TCF12: variants seen among roughly 807,000 people sequenced by gnomAD.
TCF12 encodes DNA-binding protein HTF4.
TCF12 carries 45 observed loss-of-function variants against 86.0 expected under a neutral mutation model. That is an observed-to-expected ratio of 0.52 (90% CI 0.41 to 0.67). The LOEUF is 0.67. TCF12 is among the 30% of genes least tolerant of loss of function. The probability of loss-of-function intolerance (pLI) is 0.00; values close to 1 mark genes in which losing one functional copy is unlikely to be tolerated. For synonymous variants in TCF12, 330 were observed against 299.6 expected, an observed-to-expected ratio of 1.10 and a Z score of -1.05; for missense variants, 881 against 859.9, an observed-to-expected ratio of 1.02 and a Z score of -0.31.
At chr15:57,046,198 A>C (rs1393185846) in intron 3 of TCF12, among the ~76,000 whole-genome samples, 1 of 152,236 alleles carries the variant, frequency 6.6e-6, no homozygotes, top group Non-Finnish European at 1.5e-5. Context: ...CACATTTAAC[A>C]GAGGAAGAAG....
At chr15:57,277,597 C>A (rs1205881502) in intron 19 of TCF12, among the ~76,000 whole-genome samples, 1 of 148,590 alleles carries the variant, frequency 6.7e-6, no homozygotes, top group Non-Finnish European at 1.5e-5. Context: ...CCACTGCACT[C>A]CAGCCTGGCG....
rs749245364 is a variant in TCF12, at chr15:57,234,037, A to G, written c.971-6A>G. 6.2e-7 allele frequency: 1 copy of G among 1,612,640 alleles called. No individual in the cohort carries two copies. The highest frequency in any genetic ancestry group is 1.3e-5 in the African/African-American group (1 of 74,884). On this transcript the variant is annotated splice_polypyrimidine_tract_variant and splice_region_variant and intron_variant, in intron 11 of 20. Transcript: ENST00000333725. The stretch of plus-strand genomic sequence containing the variant: ...TTCTTGATTTATTTCTCTATGAAAT[A>G]TCCAGGAACCAGAGGGAATGCTGCT...
chr15:57,090,483 T>G (rs1246584225), intron 4 of TCF12, among the ~76,000 whole-genome samples: 2 of 152,194 alleles, frequency 1.3e-5, no homozygotes, highest in African/African-American at 4.8e-5. Flanking sequence ...TCCAGAAGAT[T>G]AGTGTTAAAA....
chr15:57,087,536 T>A (rs182504837), intron 4 of TCF12, among the ~76,000 whole-genome samples: 7 of 152,010 alleles, frequency 4.6e-5, no homozygotes, highest in African/African-American at 1.7e-4. Context: ...ATTTCTAAGT[T>A]CCTGCATCAG....
chr15:56,933,622 A>T (rs1166962330), intron 3 of TCF12, among the ~76,000 whole-genome samples: 1 of 152,184 alleles, frequency 6.6e-6, no homozygotes, highest in Non-Finnish European at 1.5e-5. Context: ...GGACAATAAA[A>T]ATACTGCCTG....
chr15:56,925,146 C>T (rs750327970), intron 3 of TCF12, among the ~76,000 whole-genome samples: 5 of 152,068 alleles, frequency 3.3e-5, no homozygotes, highest in Non-Finnish European at 4.4e-5. Context: ...TTGCAGTGAC[C>T]TGAGATGGCG....
chr15:56,999,962 A>G (rs1012835303), intron 3 of TCF12, among the ~76,000 whole-genome samples: 1 of 152,122 alleles, frequency 6.6e-6, no homozygotes, highest in South Asian at 2.1e-4. Context: ...CAGCCTCCCA[A>G]AGTGTTGGGA....
chr15:57,165,163 T>TGTGTGTGTGC (rs59380805), intron 5 of TCF12, among the ~76,000 whole-genome samples: 1 of 149,286 alleles, frequency 6.7e-6, no homozygotes, highest in Non-Finnish European at 1.5e-5. Flanking sequence ...TGTGTGTGTG[T>TGTGTGTGTGC]GCGTACACGA....
At chr15:57,251,283 T>C in intron 13 of TCF12, 67 bp from the exon 14 acceptor site, 1 of 1,367,156 alleles carries the variant, frequency 7.3e-7, no homozygotes, top group Non-Finnish European at 1.0e-6. Context: ...TCTTTACCCT[T>C]TCCTTCACAA....
intron 3 of TCF12, among the ~76,000 whole-genome samples, chr15:57,046,430 A>G (rs967140600): frequency 2.0e-5 from 3 of 151,830 alleles, no homozygotes; most frequent in African/African-American, 7.3e-5. Flanking sequence ...TTTTTCTGAC[A>G]TTGTTTTTGT....
chr15:57,200,842 T>C (rs2057508225), intron 8 of TCF12, among the ~76,000 whole-genome samples: 1 of 152,162 alleles, frequency 6.6e-6, no homozygotes, highest in South Asian at 2.1e-4. Flanking sequence ...CTAACTAAGC[T>C]GTATTAAATA....
intron 12 of TCF12, among the ~76,000 whole-genome samples, chr15:57,241,854 T>C (rs537475636): frequency 6.6e-6 from 1 of 152,172 alleles, no homozygotes; most frequent in Admixed American, 6.5e-5. Flanking sequence ...TTAGCCAGGC[T>C]TGGTGGCACG....
intron 3 of TCF12, among the ~76,000 whole-genome samples, chr15:57,016,690 T>A (rs756049328): frequency 6.6e-6 from 1 of 152,056 alleles, no homozygotes; most frequent in African/African-American, 2.4e-5. Flanking sequence ...GTGATTTTCC[T>A]TGGGCCTCTT....
At chr15:57,053,562 C>T (rs1483913969) in intron 3 of TCF12, among the ~76,000 whole-genome samples, 5 of 151,070 alleles carry the variant, frequency 3.3e-5, no homozygotes, top group Non-Finnish European at 7.4e-5. Flanking sequence ...AGGTGAGGTG[C>T]TTAACAGGAT....
At chr15:56,983,525 T>G (rs1011617378) in intron 3 of TCF12, among the ~76,000 whole-genome samples, 1 of 152,190 alleles carries the variant, frequency 6.6e-6, no homozygotes, top group Non-Finnish European at 1.5e-5. Context: ...AAAAACTGTA[T>G]TAGTGGTAAA....
At chr15:56,995,231 C>CTCTTTTTTTTTT (rs2063645591) in intron 3 of TCF12, among the ~76,000 whole-genome samples, 1 of 30,282 alleles carries the variant, frequency 3.3e-5, no homozygotes, top group Non-Finnish European at 6.2e-5. Context: ...ATACCTGCAG[C>CTCTTTTTTTTTT]TTTTTTTTTT....
At chr15:57,197,678 G>T (rs1475050450) in intron 7 of TCF12, 95 bp from the exon 8 acceptor site, 58 of 1,427,098 alleles carry the variant, frequency 4.1e-5, no homozygotes, top group Non-Finnish European at 5.4e-5. Flanking sequence ...TGGAAAACAA[G>T]AAAGACGCTA....
chr15:57,095,243 G>T (rs2049246590), intron 5 of TCF12, among the ~76,000 whole-genome samples: 1 of 152,082 alleles, frequency 6.6e-6, no homozygotes, highest in African/African-American at 2.4e-5. Context: ...GAATCCCATG[G>T]TCATTCAAGG....
chr15:57,211,979 CCACA>C (rs58113866), intron 8 of TCF12, among the ~76,000 whole-genome samples: 32,068 of 83,556 alleles, frequency 0.38, 4,768 homozygotes, highest in East Asian at 0.57. Context: ...CACACACACA[CCACA>C]CACACACACA....
Sources: allele counts gnomAD v4.1 joint callset (sites outside exome capture counted in the v4.1 genomes callset), GRCh38; gene constraint gnomAD v4.1.1; transcripts MANE v1.5; gene names NCBI Gene and HGNC (gene_info 2026-07-23, HGNC 2026-07-21).